ABLIM2: variants seen among roughly 807,000 people sequenced by gnomAD.
ABLIM2 encodes actin binding LIM protein family member 2.
A neutral mutation model predicts 97.7 loss-of-function variants in ABLIM2; 53 were observed. The observed-to-expected ratio is 0.54, with a 90% CI of 0.44 to 0.68. The LOEUF is 0.68. Among genes scored for constraint, ABLIM2 ranks in the 30% least tolerant of loss-of-function variants. ABLIM2 has a pLI of 0.00. For synonymous variants in ABLIM2, 361 were observed against 345.8 expected (o/e 1.04, Z -0.49); for missense variants, 835 against 867.2 (o/e 0.96, Z 0.47).
At chr4:8,041,634 G>A (rs1788632478) in intron 9 of ABLIM2, among the ~76,000 whole-genome samples, 1 of 152,020 alleles carries the variant, frequency 6.6e-6, no homozygotes, top group Non-Finnish European at 1.5e-5. Context: ...TGGGCACGGT[G>A]GCTCACGCCT....
Position 8,087,980 on chromosome 4 carries a change from AC to A in ABLIM2, c.454+188del, listed in dbSNP as rs1186895907. Among the ~76,000 whole-genome samples, 8 of 59,506 alleles carry A rather than the reference AC, an allele frequency of 1.3e-4. No individual in the cohort carries two copies. Among genetic ancestry groups the A allele is most frequent in the South Asian group, 7.1e-4 (1 of 1,408 alleles). 39.0% of individuals were successfully genotyped at this position (59,506 alleles called of 152,430 possible). Reference sequence around the variant, plus strand: ...GCAGAGACCAAGCCCCCAACTCAGCACCCCCCCCACAACCAGCAAGCCCCCA... The same window carrying A: ...GCAGAGACCAAGCCCCCAACTCAGCACCCCCCCACAACCAGCAAGCCCCCA... On this transcript the variant is annotated intron_variant, in intron 4 of 20. Coordinates refer to ENST00000447017, the MANE Select transcript of ABLIM2 (RefSeq NM_001130083.2). This position sits in a 1 kb window ranked among gnomAD's most constrained non-coding sequence, Gnocchi z 4.6.
chr4:8,029,238 T>C (rs962063797), intron 11 of ABLIM2, among the ~76,000 whole-genome samples: 1 of 152,212 alleles, frequency 6.6e-6, no homozygotes, highest in African/African-American at 2.4e-5. Context: ...CCACTGACTT[T>C]GCTTTCCCAG....
chr4:8,026,880 C>T (rs371639235), intron 12 of ABLIM2, among the ~76,000 whole-genome samples: 3 of 148,062 alleles, frequency 2.0e-5, no homozygotes, highest in African/African-American at 7.6e-5. Context: ...TGGCCTTTTA[C>T]CTGAGTGTGT....
At position 8,021,583 on chromosome 4, in the gene ABLIM2, T is replaced by A. The variant is rs1773758797; in HGVS notation, c.1268-1280A>T. ...ATCGAAATGAAACAGAAATAGAACT[T>A]CTGCGGTGGGTGAGTGATGTGCTGG... On this transcript the variant is annotated intron_variant, in intron 12 of 20. Transcript: ENST00000447017. This position sits in a 1 kb window ranked among gnomAD's most constrained non-coding sequence, Gnocchi z 5.5. Among the ~76,000 whole-genome samples the A allele has an allele frequency of 6.6e-6, 1 of 152,164 alleles. No individual in the cohort carries two copies. The highest frequency in any genetic ancestry group is 2.1e-4 in the South Asian group (1 of 4,822).
At chr4:7,975,230 A>AT (rs1732020548) in intron 20 of ABLIM2, among the ~76,000 whole-genome samples, 1 of 152,020 alleles carries the variant, frequency 6.6e-6, no homozygotes, top group Non-Finnish European at 1.5e-5. Context: ...AAAAAAATTC[A>AT]TTTTCCACAC....
chr4:7,984,468 G>A (rs574733697), intron 18 of ABLIM2, among the ~76,000 whole-genome samples: 27 of 152,338 alleles, frequency 1.8e-4, no homozygotes, highest in South Asian at 1.7e-3. Flanking sequence ...TTCACGCGGC[G>A]TGCCGGCAGC....
At chr4:8,106,071 T>A (rs751714282) in intron 2 of ABLIM2, among the ~76,000 whole-genome samples, 4 of 152,224 alleles carry the variant, frequency 2.6e-5, no homozygotes, top group African/African-American at 7.2e-5. Flanking sequence ...TTCGCAGTGC[T>A]ACTTCGGGTG....
intron 16 of ABLIM2, among the ~76,000 whole-genome samples, 162 bp from the exon 17 acceptor site, chr4:7,993,089 C>T (rs1750240425): frequency 6.6e-6 from 1 of 152,180 alleles, no homozygotes; most frequent in African/African-American, 2.4e-5. Flanking sequence ...CCTTCTGTTC[C>T]CAGGGCGCTG....
chr4:8,049,321 C>T (rs1014010154), intron 8 of ABLIM2, among the ~76,000 whole-genome samples: 6 of 152,258 alleles, frequency 3.9e-5, no homozygotes, highest in African/African-American at 1.4e-4. Context: ...GACAGGGCAG[C>T]TAGGACCACA....
At chr4:8,152,357 T>A (rs1269329641) in intron 1 of ABLIM2, among the ~76,000 whole-genome samples, 1 of 151,754 alleles carries the variant, frequency 6.6e-6, no homozygotes, top group Non-Finnish European at 1.5e-5. Flanking sequence ...CAGACGGGAC[T>A]CGCAGGCATT....
chr4:8,081,137 C>A (rs529943832), intron 4 of ABLIM2, among the ~76,000 whole-genome samples: 6 of 152,190 alleles, frequency 3.9e-5, no homozygotes, highest in African/African-American at 1.4e-4. Flanking sequence ...TTGAACCCAA[C>A]TGTGACTCGA....
At position 8,124,849 on chromosome 4, in the gene ABLIM2, G is replaced by A. The variant is rs936855252; in HGVS notation, c.11-18212C>T. ...GAACAGTCAGACTATTTTCCACACC[G>A]GGTTCTGATTTCTACGCATCCCCAC... On this transcript the variant is annotated intron_variant, in intron 1 of 20. Transcript: ENST00000447017. This position sits in a 1 kb window ranked among gnomAD's most constrained non-coding sequence, Gnocchi z 6.1. 1.3e-5 allele frequency among the ~76,000 whole-genome samples: 2 copies of A among 152,054 alleles called. No homozygotes were observed. The highest frequency in any genetic ancestry group is 2.9e-5 in the Non-Finnish European group (2 of 68,014).
rs191279155 is a variant in ABLIM2, at chr4:8,052,904, C to T, written c.822+1284G>A. ...TGCTTGGTGGAATGGATGAGGTCTA[C>T]GGGATACCCCACATTCGAGAGTAAG... On this transcript the variant is annotated intron_variant, in intron 8 of 20. Transcript: ENST00000447017. Among the ~76,000 whole-genome samples, 33 of 152,326 alleles carry T rather than the reference C, an allele frequency of 2.2e-4. No homozygotes were observed. The East Asian group carries it at 3.5e-3, about 16-fold the overall frequency.
intron 20 of ABLIM2, among the ~76,000 whole-genome samples, chr4:7,973,075 C>CTG (rs71175444): frequency 0.034 from 4,227 of 124,032 alleles, 115 homozygotes; most frequent in African/African-American, 0.048. Flanking sequence ...GCTCCCCTTG[C>CTG]TGTGTGTGTG....
chr4:8,110,806 T>C (rs1016523677), intron 1 of ABLIM2, among the ~76,000 whole-genome samples: 1 of 152,182 alleles, frequency 6.6e-6, no homozygotes, highest in Non-Finnish European at 1.5e-5. Context: ...CGATGGGAGA[T>C]AGACATTGCG....
At chr4:7,983,034 G>T (rs1365246729) in intron 20 of ABLIM2, among the ~76,000 whole-genome samples, 1 of 152,186 alleles carries the variant, frequency 6.6e-6, no homozygotes, top group East Asian at 1.9e-4. Flanking sequence ...AGCCTTCCCT[G>T]CCTCATCCAC....
chr4:8,083,525 A>G lies in ABLIM2; in HGVS notation c.455-2723T>C, dbSNP rs1821280824. 6.6e-6 allele frequency among the ~76,000 whole-genome samples: 1 copy of G among 152,172 alleles called. No individual in the cohort carries two copies. The highest frequency in any genetic ancestry group is 2.4e-5 in the African/African-American group (1 of 41,458). On this transcript the variant is annotated intron_variant, in intron 4 of 20. Coordinates refer to ENST00000447017, the MANE Select transcript of ABLIM2 (RefSeq NM_001130083.2). The surrounding 1 kb of genome is among the most constrained non-coding windows in gnomAD (Gnocchi z 4.6). ...CTTGACCTTGAGCTCCAAACTGCAGAGGGGATGTGAACCTCACACCTGCCT... is the reference window on the plus strand; with the variant it reads ...CTTGACCTTGAGCTCCAAACTGCAGGGGGGATGTGAACCTCACACCTGCCT...
At chr4:8,100,474 C>T (rs777288505) in intron 2 of ABLIM2, among the ~76,000 whole-genome samples, 38 of 152,166 alleles carry the variant, frequency 2.5e-4, no homozygotes, top group Non-Finnish European at 4.7e-4. Context: ...AGGCAGGGTG[C>T]GGTGGCTCAC....
In ABLIM2 at chr4:8,124,491, G is replaced by A. The variant is rs989914744; in HGVS notation, c.11-17854C>T. Among the ~76,000 whole-genome samples the A allele has an allele frequency of 2.0e-5, 3 of 152,228 alleles. No homozygotes were observed. The highest frequency in any genetic ancestry group is 2.1e-4 in the South Asian group (1 of 4,828). ...TTTGCCTGCTCTGGGCATTTCATGCGAACGGAATCCCACACTGCGTGGTCC... is the reference window on the plus strand; with the variant it reads ...TTTGCCTGCTCTGGGCATTTCATGCAAACGGAATCCCACACTGCGTGGTCC... On this transcript the variant is annotated intron_variant, in intron 1 of 20. Coordinates refer to ENST00000447017, the MANE Select transcript of ABLIM2 (RefSeq NM_001130083.2). The surrounding 1 kb of genome is among the most constrained non-coding windows in gnomAD (Gnocchi z 6.1).
Sources: gnomAD v4.1 joint callset for allele counts (sites outside exome capture counted in the v4.1 genomes callset) on GRCh38, gnomAD v4.1.1 for gene constraint, Gnocchi (gnomAD v3.1) non-coding constraint, MANE v1.5 for transcripts, NCBI Gene and HGNC (gene_info 2026-07-23, HGNC 2026-07-21) for gene names.